The following DONSON variants were observed in gnomAD, a reference collection of about 807,000 sequenced individuals.
The protein encoded by DONSON is DNA replication fork stabilization factor DONSON, also known as protein downstream neighbor of Son.
Under a neutral mutation model 62.1 loss-of-function variants are expected in DONSON, and 43 were observed. That is an observed-to-expected ratio of 0.69 (90% CI 0.54 to 0.89). The LOEUF (loss-of-function observed/expected upper bound fraction) is 0.89. Ranked by LOEUF, DONSON falls within the 40% of genes least tolerant of loss-of-function variation. The pLI is 0.00. For synonymous variants in DONSON, 266 were observed against 264.6 expected (o/e 1.01, Z -0.05); for missense variants, 696 against 697.5 (o/e 1.00, Z 0.03).
At chr21:33,579,326 G>C in intron 9 of DONSON, 24 bp downstream of exon 9, 1 of 1,482,648 alleles carries the variant, frequency 6.7e-7, no homozygotes, top group Non-Finnish European at 9.1e-7. Context: ...AACTAAAACA[G>C]TCTGCTCATA....
At position 33,577,707 on chromosome 21, in the gene DONSON, A is replaced by G. The variant is rs1300169335; in HGVS notation, c.*600T>C. The stretch of plus-strand genomic sequence containing the variant: ...CACACACACACACACACACACCCCT[A>G]TAAGCACATTAAATACTACTTTGCC... On this transcript the variant is annotated 3_prime_UTR_variant, in exon 10 of 10. Transcript: ENST00000303071. 1.4e-5 allele frequency: 2 copies of G among 143,342 alleles called. No individual in the cohort carries two copies. Among genetic ancestry groups the G allele is most frequent in the African/African-American group, 2.7e-5 (1 of 37,440 alleles). 8.9% of individuals were successfully genotyped at this position (143,342 alleles called of 1,614,324 possible). A position where few individuals can be genotyped will look rare whatever the true frequency, so the allele number is the denominator to read the frequency against.
chr21:33,584,211 A>C (rs939980743), intron 4 of DONSON, among the ~76,000 whole-genome samples: 2 of 150,454 alleles, frequency 1.3e-5, no homozygotes, highest in African/African-American at 4.9e-5. Flanking sequence ...CACCAGGCTA[A>C]TTTTTTTTGT....
intron 5 of DONSON, among the ~76,000 whole-genome samples, chr21:33,583,093 C>T (rs369105615): frequency 2.5e-4 from 37 of 149,602 alleles, no homozygotes; most frequent in African/African-American, 8.4e-4. Flanking sequence ...CCCAGCTACT[C>T]GGGAGGCTGA....
chr21:33,581,145 C>G (rs778382031), intron 8 of DONSON, 157 bp downstream of exon 8: 78 of 602,842 alleles, frequency 1.3e-4, no homozygotes, highest in Non-Finnish European at 2.0e-4. Context: ...TTTGATATAA[C>G]TGTCTTATAT....
In DONSON at chr21:33,584,591, A is replaced by T; in HGVS notation, c.784T>A (p.Trp262Arg). 2 of 1,592,628 alleles carry T rather than the reference A, an allele frequency of 1.3e-6. No homozygotes were observed. Among genetic ancestry groups the T allele is most frequent in the Non-Finnish European group, 8.6e-7 (1 of 1,168,252 alleles). The change falls in exon 4 of 10, where the codon TGG (tryptophan) becomes AGG (arginine). Residue 262 changes from tryptophan (W) to arginine (R), a missense_variant and splice_region_variant. Trp to Arg is a moderately radical substitution (Grantham distance 101, BLOSUM62 -3). Coordinates refer to ENST00000303071, the MANE Select transcript of DONSON (RefSeq NM_017613.4). ...ACAAGTTTCTCTTACTAATCTTACC[A>T]GTCACTCATTAAAACATGCTGCAGG... Reference protein sequence around the residue: ...ATLQHVLMSDWSVSFTSLYNL... With the variant: ...ATLQHVLMSDRSVSFTSLYNL...
At chr21:33,582,293 A>G in intron 5 of DONSON, 47 bp from the exon 6 acceptor site, 1 of 1,451,698 alleles carries the variant, frequency 6.9e-7, no homozygotes. Context: ...TAAAGTATTT[A>G]ACAGGCATGC....
At chr21:33,582,354 T>A in intron 5 of DONSON, 108 bp from the exon 6 acceptor site, 2 of 838,176 alleles carry the variant, frequency 2.4e-6, no homozygotes, top group Non-Finnish European at 3.8e-6. Flanking sequence ...ACAAATGATC[T>A]ATTAAGGCAG....
In DONSON at chr21:33,585,130, G is replaced by A. The variant is rs199961303; in HGVS notation, c.607-362C>T. ...AAAAGTAGCCAGTAAACACTGATACGGCAAATCACAAATCATCCTAATCTA... is the reference window on the plus strand; with the variant it reads ...AAAAGTAGCCAGTAAACACTGATACAGCAAATCACAAATCATCCTAATCTA... On this transcript the variant is annotated intron_variant, in intron 3 of 9. Transcript: ENST00000303071. 3.3e-4 allele frequency among the ~76,000 whole-genome samples: 50 copies of A among 152,114 alleles called. No homozygotes were observed. The East Asian group carries it at 8.5e-3, about 26-fold the overall frequency.
chr21:33,581,888 T>C (rs2086515056), intron 7 of DONSON, 63 bp downstream of exon 7: 1 of 1,460,454 alleles, frequency 6.8e-7, no homozygotes, highest in Non-Finnish European at 9.6e-7. Flanking sequence ...CTGCCAATGT[T>C]AAACTTCTCA....
Position 33,578,111 on chromosome 21 carries a change from A to C in DONSON, c.*196T>G. 1.8e-6 allele frequency: 1 copy of C among 543,686 alleles called. No individual in the cohort carries two copies. The highest frequency in any genetic ancestry group is 3.1e-6 in the Non-Finnish European group (1 of 318,350). The allele number at this position is 543,686 out of a possible 1,614,324, so 33.7% of individuals were successfully genotyped here. ...TGTAGGGATATAGATATCTCATTTG[A>C]GTTATCTGAGTTTTTCATCTTTATA... On this transcript the variant is annotated 3_prime_UTR_variant, in exon 10 of 10. Transcript: ENST00000303071.
chr21:33,578,092 G>A lies in DONSON; in HGVS notation c.*215C>T. ...GCTCAATATACAATTAGGTTGTAGG[G>A]ATATAGATATCTCATTTGAGTTATC... On this transcript the variant is annotated 3_prime_UTR_variant, in exon 10 of 10. Transcript: ENST00000303071. 4.1e-6 allele frequency: 2 copies of A among 484,954 alleles called. No individual in the cohort carries two copies. The highest frequency in any genetic ancestry group is 7.2e-6 in the Non-Finnish European group (2 of 276,162). 30.0% of individuals were successfully genotyped at this position (484,954 alleles called of 1,614,324 possible).
intron 7 of DONSON, 60 bp from the exon 8 acceptor site, chr21:33,581,560 AT>A: frequency 7.0e-7 from 1 of 1,438,748 alleles, no homozygotes; most frequent in Non-Finnish European, 9.6e-7. Flanking sequence ...GAAAGCAGTT[AT>A]CTTGATTCTG....
At chr21:33,578,590 A>T in intron 9 of DONSON, 146 bp from the exon 10 acceptor site, 1 of 926,152 alleles carries the variant, frequency 1.1e-6, no homozygotes, top group African/African-American at 1.7e-5. Flanking sequence ...GAATTTTTGT[A>T]GTGACAAAAT....
At chr21:33,579,308 G>T (rs746029243) in intron 9 of DONSON, 42 bp downstream of exon 9, 3 of 1,422,374 alleles carry the variant, frequency 2.1e-6, no homozygotes, top group Non-Finnish European at 2.8e-6. Flanking sequence ...CTAGTTTGAG[G>T]AAACTACAAC....
chr21:33,583,593 G>C lies in DONSON; in HGVS notation c.859C>G (p.Gln287Glu). The C allele has an allele frequency of 6.2e-7, 1 of 1,613,982 alleles. No homozygotes were observed. The highest frequency in any genetic ancestry group is 8.5e-7 in the Non-Finnish European group (1 of 1,179,946). ...GCTGCTCGGAACAGGACAGTAAACT[G>C]ATAGGTACAAACGTAGAAATAGGGG... ...LCPYFYVCTY[Q>E]FTVLFRAAGL... is the part of the protein sequence containing the mutation. Residue 287 changes from glutamine (Q) to glutamate (E), a missense_variant, in exon 5 of 10, where the codon CAG (glutamine) becomes GAG (glutamate). By Grantham distance (29) the Gln-to-Glu change is conservative (BLOSUM62 2). Transcript: ENST00000303071.
chr21:33,580,655 T>C (rs567455656), intron 8 of DONSON, among the ~76,000 whole-genome samples: 1 of 150,418 alleles, frequency 6.6e-6, no homozygotes, highest in East Asian at 2.0e-4. Context: ...AATGTTCGTA[T>C]AATTTAAAAA....
chr21:33,581,375 C>T lies in DONSON; in HGVS notation c.1277G>A (p.Gly426Asp). Reference sequence around the variant, plus strand: ...GGTTGGAGGAAGTCCTGCCTGTGGACCTGAGGTAGCAACTAAACTCTTAGA... The same window carrying T: ...GGTTGGAGGAAGTCCTGCCTGTGGATCTGAGGTAGCAACTAAACTCTTAGA... ...INSKSLVATS[G>D]PQAGLPPTLL... Residue 426 changes from glycine (G) to aspartate (D), a missense_variant, in exon 8 of 10, where the codon GGT becomes GAT. Coordinates refer to ENST00000303071, the MANE Select transcript of DONSON (RefSeq NM_017613.4). 1 of 1,614,054 alleles carries T rather than the reference C, an allele frequency of 6.2e-7. No individual in the cohort carries two copies. Among genetic ancestry groups the T allele is most frequent in the Non-Finnish European group, 8.5e-7 (1 of 1,180,028 alleles).
intron 8 of DONSON, 35 bp downstream of exon 8, chr21:33,581,267 C>T (rs1011287037): frequency 3.2e-6 from 5 of 1,585,110 alleles, no homozygotes; most frequent in East Asian, 2.2e-5. Flanking sequence ...AAGTAAAGTA[C>T]TTCTTAAAAG....
chr21:33,588,272 A>T (rs2086604296), intron 1 of DONSON, 49 bp downstream of exon 1: 2 of 1,211,188 alleles, frequency 1.7e-6, no homozygotes, highest in Non-Finnish European at 2.1e-6. Context: ...AGCTGGCTCA[A>T]CCCACGAAAG....
Sources: gnomAD v4.1 joint callset for allele counts (sites outside exome capture counted in the v4.1 genomes callset) on GRCh38, gnomAD v4.1.1 for gene constraint, MANE v1.5 for transcripts, NCBI Gene and HGNC (gene_info 2026-07-23, HGNC 2026-07-21) for gene names.